The following DPP10 variants were observed in gnomAD, a reference collection of about 807,000 sequenced individuals.
The protein encoded by DPP10 is inactive dipeptidyl peptidase 10.
In DPP10, 33 loss-of-function variants were observed where a neutral mutation model predicts 120.9. That is an observed-to-expected ratio of 0.27 (90% confidence interval 0.21 to 0.37). The LOEUF (loss-of-function observed/expected upper bound fraction) is 0.37, where lower values mean the gene tolerates loss of function less well. DPP10 is among the 10% of genes least tolerant of loss of function. The pLI is 1.00. For missense variants in DPP10, 816 were observed against 942.8 expected (o/e 0.87, Z 1.76); for synonymous variants, 337 against 326.1 (o/e 1.03, Z -0.36).
At chr2:115,026,221 A>T (rs1023847935) in intron 1 of DPP10, among the ~76,000 whole-genome samples, 5 of 152,044 alleles carry the variant, frequency 3.3e-5, no homozygotes, top group Non-Finnish European at 5.9e-5. Flanking sequence ...AGAGATAGGG[A>T]TCTAATTCCA....
intron 3 of DPP10, among the ~76,000 whole-genome samples, chr2:115,489,469 A>G (rs1415000799): frequency 6.6e-6 from 1 of 152,050 alleles, no homozygotes; most frequent in Admixed American, 6.6e-5. Context: ...GAATTTAAGC[A>G]CAACTGACCA....
chr2:115,835,722 C>A (rs1411087990), intron 21 of DPP10, among the ~76,000 whole-genome samples: 1 of 152,050 alleles, frequency 6.6e-6, no homozygotes, highest in Non-Finnish European at 1.5e-5. Context: ...TTCAAAATTT[C>A]ATTATTTCTT....
chr2:115,441,821 T>C (rs548328310), intron 3 of DPP10, among the ~76,000 whole-genome samples: 93 of 147,470 alleles, frequency 6.3e-4, no homozygotes, highest in East Asian at 1.4e-3. Flanking sequence ...TTCTTTCTTT[T>C]TTTTTTTTTT....
At chr2:114,816,578 G>A (rs1287522136) in intron 1 of DPP10, among the ~76,000 whole-genome samples, 2 of 152,094 alleles carry the variant, frequency 1.3e-5, no homozygotes, top group East Asian at 1.9e-4. Flanking sequence ...GTGTTGCTCC[G>A]TTTTATTGTT....
rs72951835 is a variant in DPP10 at position 114,524,241 on chromosome 2, A to G, written c.60+81403A>G. On this transcript the variant is annotated intron_variant, in intron 1 of 25. Transcript: ENST00000410059. ...AAGAAATGTGGAGGATGGGTTAGAG[A>G]GGAAACAGAATGTCAGGGAGGCCAG... 6.8e-3 allele frequency among the ~76,000 whole-genome samples: 1,036 copies of G among 152,336 alleles called. 6 individuals are homozygous for G. The highest frequency in any genetic ancestry group is 0.024 in the African/African-American group (978 of 41,588).
chr2:115,610,056 G>C (rs1345831621), intron 5 of DPP10, among the ~76,000 whole-genome samples: 1 of 152,072 alleles, frequency 6.6e-6, no homozygotes, highest in Non-Finnish European at 1.5e-5. Flanking sequence ...CAAAAACATG[G>C]TACTGGCTTC....
intron 2 of DPP10, among the ~76,000 whole-genome samples, chr2:115,313,996 T>G (rs2061685372): frequency 6.6e-6 from 1 of 152,208 alleles, no homozygotes; most frequent in Non-Finnish European, 1.5e-5. Flanking sequence ...TGAGTGTACA[T>G]TAATGCTTAA....
intron 5 of DPP10, among the ~76,000 whole-genome samples, chr2:115,676,859 A>C (rs2090305211): frequency 6.6e-6 from 1 of 152,164 alleles, no homozygotes; most frequent in South Asian, 2.1e-4. Flanking sequence ...TGTAGATTTA[A>C]CCCAAAAATG....
At chr2:114,462,740 G>T (rs190969552) in intron 1 of DPP10, among the ~76,000 whole-genome samples, 1 of 152,312 alleles carries the variant, frequency 6.6e-6, no homozygotes, top group African/African-American at 2.4e-5. Flanking sequence ...GGCAGCAATA[G>T]TTGGCACCGC....
intron 1 of DPP10, among the ~76,000 whole-genome samples, chr2:114,537,308 G>C (rs1039363723): frequency 3.9e-5 from 6 of 152,024 alleles, no homozygotes; most frequent in African/African-American, 1.4e-4. Context: ...ACCTAGGAAG[G>C]AAAACCGATT....
At chr2:114,442,975 T>C in intron 1 of DPP10, 137 bp downstream of exon 1, 1 of 1,087,184 alleles carries the variant, frequency 9.2e-7, no homozygotes. Flanking sequence ...TGAGTCACAA[T>C]AAAGCATTTG....
At chr2:115,676,250 G>A (rs1559015855) in intron 5 of DPP10, among the ~76,000 whole-genome samples, 1 of 152,126 alleles carries the variant, frequency 6.6e-6, no homozygotes, top group Non-Finnish European at 1.5e-5. Context: ...GGCCACAAAG[G>A]CACTTAGAGA....
In DPP10 at chr2:115,426,694, C is replaced by T. The variant is rs147454368; in HGVS notation, c.272-72816C>T. ...TTTTCACCAGGTGCCACTTCCAACA[C>T]GAGATGACATTTCAACATGAGATTT... On this transcript the variant is annotated intron_variant, in intron 3 of 25. Transcript: ENST00000410059. Among the ~76,000 whole-genome samples the T allele has an allele frequency of 5.9e-3, 899 of 152,096 alleles. 5 individuals are homozygous for T. The highest frequency in any genetic ancestry group is 8.8e-3 in the Non-Finnish European group (597 of 67,978).
At chr2:115,720,985 G>A (rs995191309) in intron 7 of DPP10, among the ~76,000 whole-genome samples, 1 of 152,136 alleles carries the variant, frequency 6.6e-6, no homozygotes, top group East Asian at 1.9e-4. Context: ...ATTAGGCAGG[G>A]AAGAAGGTGA....
At chr2:115,579,515 T>C (rs1048488928) in intron 5 of DPP10, 4 of 152,214 alleles carry the variant, frequency 2.6e-5, no homozygotes, top group Non-Finnish European at 4.4e-5. Context: ...AAGCAATGTT[T>C]CTGTGTTTCC....
At chr2:114,778,957 TG>T in intron 1 of DPP10, among the ~76,000 whole-genome samples, 1 of 152,260 alleles carries the variant, frequency 6.6e-6, no homozygotes, top group East Asian at 1.9e-4. Flanking sequence ...CTCCCCTTTA[TG>T]GTTACTGTAA....
chr2:114,589,733 T>C (rs1691298683), intron 1 of DPP10, among the ~76,000 whole-genome samples: 1 of 152,166 alleles, frequency 6.6e-6, no homozygotes, highest in Admixed American at 6.5e-5. Context: ...GTATATATTC[T>C]GGAACATTAT....
chr2:114,943,297 G>A (rs142175296), intron 1 of DPP10, among the ~76,000 whole-genome samples: 12 of 151,946 alleles, frequency 7.9e-5, no homozygotes, highest in African/African-American at 2.4e-4. Context: ...TCTTTGAGAC[G>A]GAATCTTGCT....
chr2:115,550,863 A>T (rs189618962), intron 5 of DPP10, among the ~76,000 whole-genome samples: 7 of 152,262 alleles, frequency 4.6e-5, no homozygotes, highest in South Asian at 4.1e-4. Context: ...TTGTTTAAAG[A>T]ACTGAACTCC....
Sources: allele counts gnomAD v4.1 joint callset (sites outside exome capture counted in the v4.1 genomes callset), GRCh38; gene constraint gnomAD v4.1.1; transcripts MANE v1.5; gene names NCBI Gene and HGNC (gene_info 2026-07-23, HGNC 2026-07-21).